The following AFF3 variants were observed in gnomAD, a reference collection of about 807,000 sequenced individuals.
The protein encoded by AFF3 is ALF transcription elongation factor 3, also known as AF4/FMR2 family member 3.
In AFF3, 32 loss-of-function variants were observed where a neutral mutation model predicts 129.7. That is an observed-to-expected ratio of 0.25 (90% CI 0.19 to 0.33). The LOEUF (loss-of-function observed/expected upper bound fraction) is 0.33, where lower values mean the gene tolerates loss of function less well. Ranked by LOEUF, AFF3 falls within the 10% of genes least tolerant of loss-of-function variation. The pLI is 1.00. For missense variants in AFF3, 1,373 were observed against 1,592.0 expected (o/e 0.86, Z 2.34); for synonymous variants, 644 against 635.4 (o/e 1.01, Z -0.20).
chr2:99,664,257 T>A (rs1412403839), intron 12 of AFF3, among the ~76,000 whole-genome samples: 1 of 152,350 alleles, frequency 6.6e-6, no homozygotes, highest in South Asian at 2.1e-4. Flanking sequence ...CCTCATCCAG[T>A]GTGAAAATCA....
chr2:99,579,415 A>AT lies in AFF3; in HGVS notation c.2794-965_2794-964insA, dbSNP rs1195994969. Among the ~76,000 whole-genome samples the AT allele has an allele frequency of 6.2e-4, 93 of 149,716 alleles. 1 individual carries two copies. Among genetic ancestry groups the AT allele is most frequent in the African/African-American group, 1.9e-3 (79 of 40,596 alleles). On this transcript the variant is annotated intron_variant, in intron 17 of 24. Coordinates refer to ENST00000672756, the MANE Select transcript of AFF3 (RefSeq NM_001386135.1). The stretch of plus-strand genomic sequence containing the variant: ...AGTGAAACTCCGTCTCAAAAAAAAA[A>AT]AAAAATAAATAAATAAATTCTAGGC...
intron 8 of AFF3, among the ~76,000 whole-genome samples, chr2:99,776,891 C>T (rs1683946340): frequency 6.6e-6 from 1 of 152,168 alleles, no homozygotes; most frequent in Non-Finnish European, 1.5e-5. Context: ...GCACCAGGAT[C>T]ACTGTCTACA....
chr2:99,828,185 C>T (rs932013354), intron 8 of AFF3, among the ~76,000 whole-genome samples: 1 of 152,126 alleles, frequency 6.6e-6, no homozygotes, highest in Admixed American at 6.5e-5. Flanking sequence ...AGAAAAGTGT[C>T]TTAAAGGTTC....
intron 8 of AFF3, among the ~76,000 whole-genome samples, chr2:99,828,664 T>G (rs1365611291): frequency 6.6e-6 from 1 of 152,164 alleles, no homozygotes; most frequent in Non-Finnish European, 1.5e-5. Flanking sequence ...CTTAGGGAAT[T>G]TGATGGAGGC....
intron 4 of AFF3, among the ~76,000 whole-genome samples, chr2:100,099,330 T>G (rs912549382): frequency 4.6e-5 from 7 of 152,192 alleles, no homozygotes; most frequent in African/African-American, 1.7e-4. Flanking sequence ...TAAAAAGGCC[T>G]GGAGGAAGCC....
rs1400605388 is a variant in AFF3 at position 99,944,734 on chromosome 2, C to T, written c.873+61898G>A. Among the ~76,000 whole-genome samples the T allele has an allele frequency of 2.0e-5, 3 of 152,278 alleles. No homozygotes were observed. The East Asian group carries it at 5.8e-4, about 29-fold the overall frequency. The stretch of plus-strand genomic sequence containing the variant: ...AAGGATAAGACAAGGCATTGGGTGA[C>T]AGAGCTGCCACGGGGCTCGCCTCTA... On this transcript the variant is annotated intron_variant, in intron 7 of 24. Transcript: ENST00000672756.
intron 7 of AFF3, among the ~76,000 whole-genome samples, chr2:99,927,437 C>T (rs529682757): frequency 1.1e-4 from 17 of 152,236 alleles, no homozygotes; most frequent in South Asian, 4.1e-4. Context: ...GGAACATGAA[C>T]GGAGCTGGAG....
intron 11 of AFF3, among the ~76,000 whole-genome samples, chr2:99,712,486 TC>T (rs1677981313): frequency 6.6e-6 from 1 of 152,244 alleles, no homozygotes; most frequent in African/African-American, 2.4e-5. Context: ...TCCTTCTCCT[TC>T]CTCACTCCTT....
intron 8 of AFF3, among the ~76,000 whole-genome samples, chr2:99,758,569 G>A (rs1682310311): frequency 8.2e-6 from 1 of 122,396 alleles, no homozygotes; most frequent in Admixed American, 1.0e-4. Flanking sequence ...CTGGGTGACA[G>A]AGCGAGACTC....
chr2:99,576,992 G>C (rs1367914350), intron 18 of AFF3, among the ~76,000 whole-genome samples: 2 of 152,076 alleles, frequency 1.3e-5, no homozygotes, highest in African/African-American at 4.8e-5. Flanking sequence ...GGTGGTGAGG[G>C]CCAGGAGTGT....
At chr2:99,589,396 C>CTTT (rs1559510828) in intron 15 of AFF3, among the ~76,000 whole-genome samples, 23 of 98,390 alleles carry the variant, frequency 2.3e-4, no homozygotes, top group African/African-American at 6.0e-4. Context: ...AAGATGTCAA[C>CTTT]ATTTTTTTTT....
intron 7 of AFF3, among the ~76,000 whole-genome samples, chr2:99,924,637 C>T (rs542947596): frequency 6.6e-6 from 1 of 152,258 alleles, no homozygotes; most frequent in East Asian, 1.9e-4. Context: ...AGTGGAAATC[C>T]TGCTTCTAAT....
At chr2:100,137,828 T>C (rs1214378917) in intron 1 of AFF3, among the ~76,000 whole-genome samples, 1 of 152,118 alleles carries the variant, frequency 6.6e-6, no homozygotes, top group Non-Finnish European at 1.5e-5. Context: ...CTATGCCCAG[T>C]GTAGAGTAGG....
At chr2:99,723,903 C>T (rs146827353) in intron 11 of AFF3, among the ~76,000 whole-genome samples, 18 of 152,220 alleles carry the variant, frequency 1.2e-4, no homozygotes, top group African/African-American at 2.2e-4. Context: ...GAGACGATGA[C>T]GTGAGGACAC....
chr2:99,967,598 C>T (rs745518806), intron 7 of AFF3, among the ~76,000 whole-genome samples: 40 of 152,272 alleles, frequency 2.6e-4, no homozygotes, highest in Non-Finnish European at 1.3e-4. Flanking sequence ...AGGGCATTTA[C>T]GCCATGGAAA....
chr2:99,874,071 G>T (rs769763242), intron 7 of AFF3, among the ~76,000 whole-genome samples: 16 of 152,154 alleles, frequency 1.1e-4, no homozygotes, highest in Admixed American at 1.3e-4. Context: ...CAGCTACTCG[G>T]GAGGCTGAGG....
intron 7 of AFF3, among the ~76,000 whole-genome samples, chr2:99,954,975 A>G (rs186816356): frequency 6.6e-6 from 1 of 152,156 alleles, no homozygotes; most frequent in African/African-American, 2.4e-5. Context: ...GAAACTACAA[A>G]AAAAATAAAT....
chr2:99,610,007 G>A (rs927145093), intron 13 of AFF3, among the ~76,000 whole-genome samples: 5 of 151,996 alleles, frequency 3.3e-5, no homozygotes, highest in African/African-American at 4.8e-5. Context: ...CTGACCGATC[G>A]ACCTCGTGAC....
At chr2:99,754,030 C>T (rs982536131) in intron 8 of AFF3, among the ~76,000 whole-genome samples, 7 of 152,072 alleles carry the variant, frequency 4.6e-5, no homozygotes, top group Non-Finnish European at 4.4e-5. Flanking sequence ...TTGTCTAGGA[C>T]CTGGTCAGCT....
Sources: gnomAD v4.1 joint callset for allele counts (sites outside exome capture counted in the v4.1 genomes callset) on GRCh38, gnomAD v4.1.1 for gene constraint, MANE v1.5 for transcripts, NCBI Gene and HGNC (gene_info 2026-07-23, HGNC 2026-07-21) for gene names.